Variants in TNIK observed in about 807,000 individuals in gnomAD.
TNIK encodes the protein TRAF2 and NCK-interacting protein kinase.
In TNIK, 49 loss-of-function variants were observed where a neutral mutation model predicts 191.3. The ratio of observed to expected loss-of-function variants is 0.26; its 90% CI spans 0.20 to 0.32. The LOEUF (loss-of-function observed/expected upper bound fraction) is 0.32. Ranked by LOEUF, TNIK falls within the 10% of genes least tolerant of loss-of-function variation. The probability of loss-of-function intolerance (pLI) is 1.00; values close to 1 mark genes in which losing one functional copy is unlikely to be tolerated. For synonymous variants in TNIK, 594 were observed against 600.9 expected, an observed-to-expected ratio of 0.99 and a Z score of 0.17; for missense variants, 1,155 against 1,702.3, an observed-to-expected ratio of 0.68 and a Z score of 5.66.
chr3:171,459,881 G>C (rs77357738), intron 1 of TNIK, 126 bp downstream of exon 1: 3 of 1,207,872 alleles, frequency 2.5e-6, no homozygotes, highest in African/African-American at 1.5e-5. Flanking sequence ...CGGGAATCCA[G>C]GTTCCCTCCC....
intron 2 of TNIK, among the ~76,000 whole-genome samples, chr3:171,229,086 C>A (rs1420515551): frequency 6.6e-6 from 1 of 152,148 alleles, no homozygotes; most frequent in East Asian, 1.9e-4. Flanking sequence ...CTTAGGCAAG[C>A]CCCTCAACCT....
rs1355101453 is a variant in TNIK, at chr3:171,366,364, T to G, written c.123+3256A>C. Among the ~76,000 whole-genome samples, 1 of 152,160 alleles carries G rather than the reference T, an allele frequency of 6.6e-6. No individual in the cohort carries two copies. Among genetic ancestry groups the G allele is most frequent in the Non-Finnish European group, 1.5e-5 (1 of 68,014 alleles). ...GCCCAAAACAGGAATAAGCTAAAAT[T>G]GGGAGTAAGACTAGAAGCAACTTTG... is the stretch of plus-strand genomic sequence containing the variant. On this transcript the variant is annotated intron_variant, in intron 2 of 32. Coordinates refer to ENST00000436636, the MANE Select transcript of TNIK (RefSeq NM_015028.4). This position sits in a 1 kb window ranked among gnomAD's most constrained non-coding sequence, Gnocchi z 4.1.
intron 16 of TNIK, among the ~76,000 whole-genome samples, chr3:171,128,470 A>G (rs1728779190): frequency 6.6e-6 from 1 of 152,210 alleles, no homozygotes; most frequent in African/African-American, 2.4e-5. Flanking sequence ...GGGTCCCCAG[A>G]GAGGCCAATT....
intron 19 of TNIK, 103 bp downstream of exon 19, chr3:171,110,611 G>C (rs1237702492): frequency 2.1e-6 from 3 of 1,410,588 alleles, no homozygotes; most frequent in Middle Eastern, 2.4e-4. Context: ...TCACACAGTG[G>C]TGGCCATGCC....
chr3:171,313,626 AT>A (rs1287838809), intron 2 of TNIK, among the ~76,000 whole-genome samples: 1 of 152,148 alleles, frequency 6.6e-6, no homozygotes, highest in East Asian at 1.9e-4. Context: ...TTTTTTAAAA[AT>A]TATCATGAAA....
intron 2 of TNIK, among the ~76,000 whole-genome samples, chr3:171,339,635 G>A (rs1757316491): frequency 6.6e-6 from 1 of 152,164 alleles, no homozygotes. Flanking sequence ...TGAATCCCAG[G>A]CTGGCTGATG....
intron 2 of TNIK, among the ~76,000 whole-genome samples, chr3:171,322,901 C>T (rs73171589): frequency 0.21 from 32,045 of 150,048 alleles, 3,995 homozygotes; most frequent in African/African-American, 0.35. Flanking sequence ...AAATCAGATC[C>T]ACTACCTGCT....
chr3:171,135,507 C>T (rs944018078), intron 15 of TNIK, among the ~76,000 whole-genome samples: 2 of 152,212 alleles, frequency 1.3e-5, no homozygotes, highest in African/African-American at 4.8e-5. Flanking sequence ...AATATGATCA[C>T]CCACTCTAAG....
intron 2 of TNIK, among the ~76,000 whole-genome samples, chr3:171,316,544 T>C (rs1030850783): frequency 3.3e-5 from 5 of 152,058 alleles, no homozygotes; most frequent in Non-Finnish European, 5.9e-5. Flanking sequence ...GGGAGAACAG[T>C]TAATAGCCCA....
chr3:171,177,738 C>G (rs905942971), intron 7 of TNIK, among the ~76,000 whole-genome samples: 1 of 152,172 alleles, frequency 6.6e-6, no homozygotes, highest in Non-Finnish European at 1.5e-5. Flanking sequence ...ACCTAAAGTA[C>G]ACCATTTGAT....
At chr3:171,335,430 A>T (rs1400550220) in intron 2 of TNIK, among the ~76,000 whole-genome samples, 1 of 152,200 alleles carries the variant, frequency 6.6e-6, no homozygotes, top group Non-Finnish European at 1.5e-5. Context: ...CTTTGTAGTC[A>T]CATCACCTCC....
chr3:171,096,766 T>A (rs1722780099), intron 22 of TNIK, among the ~76,000 whole-genome samples: 2 of 152,146 alleles, frequency 1.3e-5, no homozygotes, highest in African/African-American at 4.8e-5. Flanking sequence ...AATGTTGGTA[T>A]TTTCAGTGCC....
At chr3:171,105,295 T>C (rs548238775) in intron 21 of TNIK, among the ~76,000 whole-genome samples, 46 of 152,162 alleles carry the variant, frequency 3.0e-4, no homozygotes, top group Non-Finnish European at 6.0e-4. Flanking sequence ...AATTCTTTAT[T>C]GTAGGGAGTT....
At chr3:171,322,839 CTTTTTTT>C (rs10617013) in intron 2 of TNIK, among the ~76,000 whole-genome samples, 3 of 136,328 alleles carry the variant, frequency 2.2e-5, no homozygotes, top group East Asian at 2.1e-4. Flanking sequence ...GTTTTCTTTT[CTTTTTTT>C]TTTTTTTTTT....
chr3:171,214,738 A>G lies in TNIK; in HGVS notation c.181-3497T>C, dbSNP rs1164319974. Reference sequence around the variant, plus strand: ...TCAGATGACTTCCAAATCCAGTCATATTCATTATGTTAACCTCAGCCATGG... The same window carrying G: ...TCAGATGACTTCCAAATCCAGTCATGTTCATTATGTTAACCTCAGCCATGG... On this transcript the variant is annotated intron_variant, in intron 3 of 32. Transcript: ENST00000436636. Among the ~76,000 whole-genome samples, 4 of 152,194 alleles carry G rather than the reference A, an allele frequency of 2.6e-5. No individual in the cohort carries two copies. In the East Asian group the frequency reaches 7.7e-4, roughly 29 times the overall value.
At chr3:171,448,319 T>C (rs886319176) in intron 1 of TNIK, among the ~76,000 whole-genome samples, 1 of 152,192 alleles carries the variant, frequency 6.6e-6, no homozygotes, top group Non-Finnish European at 1.5e-5. Flanking sequence ...CTACCTTCTA[T>C]CTCTATGGAT....
chr3:171,149,244 C>T (rs1332567802), intron 12 of TNIK, among the ~76,000 whole-genome samples: 2 of 152,096 alleles, frequency 1.3e-5, no homozygotes, highest in Admixed American at 1.3e-4. Flanking sequence ...TGTGTGATGT[C>T]CATTGCATGC....
chr3:171,064,155 G>T, intron 32 of TNIK, 191 bp from the exon 33 acceptor site: 1 of 559,214 alleles, frequency 1.8e-6, no homozygotes, highest in South Asian at 2.2e-5. Context: ...TTATTCCTAG[G>T]TTGTTATTAT....
chr3:171,091,425 C>T (rs58003794), intron 23 of TNIK, among the ~76,000 whole-genome samples: 5,546 of 152,196 alleles, frequency 0.036, 326 homozygotes, highest in African/African-American at 0.12. Flanking sequence ...GCCTCCATAT[C>T]ATATGAGCTA....
Sources: gnomAD v4.1 joint callset for allele counts (sites outside exome capture counted in the v4.1 genomes callset) on GRCh38, gnomAD v4.1.1 for gene constraint, Gnocchi (gnomAD v3.1) non-coding constraint, MANE v1.5 for transcripts, NCBI Gene and HGNC (gene_info 2026-07-23, HGNC 2026-07-21) for gene names.